The following SATB2 variants were observed in gnomAD, a reference collection of about 807,000 sequenced individuals.
The protein encoded by SATB2 is DNA-binding protein SATB2.
SATB2 carries 1 observed loss-of-function variant against 73.4 expected under a neutral mutation model. The observed-to-expected ratio is 0.01, with a 90% CI of 0.00 to 0.06. The LOEUF (loss-of-function observed/expected upper bound fraction) is 0.06. SATB2 is among the 10% of genes least tolerant of loss of function. SATB2 has a pLI of 1.00. For missense variants in SATB2, 459 were observed against 945.8 expected, an observed-to-expected ratio of 0.49 and a Z score of 6.75; for synonymous variants, 397 against 367.0, an observed-to-expected ratio of 1.08 and a Z score of -0.93.
chr2:199,439,100 G>A (rs1207279066), intron 2 of SATB2, among the ~76,000 whole-genome samples: 3 of 152,236 alleles, frequency 2.0e-5, no homozygotes, highest in African/African-American at 7.2e-5. Flanking sequence ...TGCCTACCAG[G>A]TGTCTGGCAC....
At chr2:199,438,815 A>T (rs1691725824) in intron 2 of SATB2, among the ~76,000 whole-genome samples, 1 of 152,248 alleles carries the variant, frequency 6.6e-6, no homozygotes, top group Non-Finnish European at 1.5e-5. Context: ...TTACTCTGTG[A>T]CAGGGTTAGC....
chr2:199,367,652 A>C (rs1259127214), intron 6 of SATB2, among the ~76,000 whole-genome samples: 3 of 152,162 alleles, frequency 2.0e-5, no homozygotes, highest in Non-Finnish European at 2.9e-5. Flanking sequence ...AGAGTAAGCA[A>C]GGCTATGAAT....
At chr2:199,433,654 T>C (rs1691570056) in intron 2 of SATB2, 140 bp from the exon 3 acceptor site, 3 of 802,890 alleles carry the variant, frequency 3.7e-6, no homozygotes, top group African/African-American at 1.7e-5. Context: ...CTCTTAGTCA[T>C]ATAGGTCTAA....
At chr2:199,291,969 G>A (rs1692878193) in intron 10 of SATB2, among the ~76,000 whole-genome samples, 1 of 151,868 alleles carries the variant, frequency 6.6e-6, no homozygotes, top group African/African-American at 2.4e-5. Flanking sequence ...ACTTGATTAA[G>A]GGTACCCTCA....
intron 2 of SATB2, among the ~76,000 whole-genome samples, chr2:199,449,334 T>C (rs1366745213): frequency 2.0e-5 from 3 of 152,212 alleles, no homozygotes; most frequent in Non-Finnish European, 4.4e-5. Context: ...AGCCTTTCAG[T>C]GCCACTTAAT....
chr2:199,398,918 A>T (rs1277585303), intron 3 of SATB2, among the ~76,000 whole-genome samples: 8 of 152,186 alleles, frequency 5.3e-5, no homozygotes, highest in African/African-American at 1.9e-4. Flanking sequence ...ATCTTCTAAT[A>T]AACTGAATTT....
At chr2:199,450,616 G>T (rs1692096305) in intron 2 of SATB2, among the ~76,000 whole-genome samples, 1 of 151,954 alleles carries the variant, frequency 6.6e-6, no homozygotes, top group South Asian at 2.1e-4. Flanking sequence ...AACCTAAAAA[G>T]CTTTAAAAGA....
At chr2:199,342,091 T>C (rs1688522396) in intron 7 of SATB2, among the ~76,000 whole-genome samples, 1 of 152,096 alleles carries the variant, frequency 6.6e-6, no homozygotes, top group African/African-American at 2.4e-5. Flanking sequence ...AGAAAATCAG[T>C]AGCCCAAACT....
chr2:199,396,092 G>A lies in SATB2; in HGVS notation c.347-14272C>T, dbSNP rs571917888. The A allele has an allele frequency of 4.6e-5, 7 of 152,288 alleles. No homozygotes were observed. In the East Asian group the frequency reaches 1.3e-3, roughly 29 times the overall value. The allele number at this position is 152,288 out of a possible 1,614,324, so 9.4% of individuals were successfully genotyped here. A position where few individuals can be genotyped will look rare whatever the true frequency, so the allele number is the denominator to read the frequency against. ...TCAATATGGGCTAAATTAGGCAACTGACAAAGCTGACTTTACTTTGTATAA... is the reference window on the plus strand; with the variant it reads ...TCAATATGGGCTAAATTAGGCAACTAACAAAGCTGACTTTACTTTGTATAA... On this transcript the variant is annotated intron_variant, in intron 3 of 10. Coordinates refer to ENST00000417098, the MANE Select transcript of SATB2 (RefSeq NM_001172509.2).
chr2:199,323,476 T>TATACACAC (rs10653288), intron 9 of SATB2, among the ~76,000 whole-genome samples: 2,058 of 142,798 alleles, frequency 0.014, 17 homozygotes, highest in Non-Finnish European at 0.024. Flanking sequence ...GTTTTGTTCA[T>TATACACAC]ACACACACAC....
chr2:199,409,417 G>A (rs1033492569), intron 3 of SATB2, among the ~76,000 whole-genome samples: 16 of 152,000 alleles, frequency 1.1e-4, no homozygotes, highest in African/African-American at 1.4e-4. Flanking sequence ...TGATCCTCCC[G>A]CCTTGGCCTC....
chr2:199,380,710 T>C (rs768403064), intron 4 of SATB2, among the ~76,000 whole-genome samples: 1 of 152,112 alleles, frequency 6.6e-6, no homozygotes, highest in Non-Finnish European at 1.5e-5. Flanking sequence ...CCAAGAAAAA[T>C]AGTCATTTGC....
intron 2 of SATB2, among the ~76,000 whole-genome samples, chr2:199,436,289 C>T (rs1050637639): frequency 6.6e-6 from 1 of 152,082 alleles, no homozygotes; most frequent in Non-Finnish European, 1.5e-5. Flanking sequence ...TAGGGACTTA[C>T]GTTTTATAAC....
At chr2:199,408,162 T>G (rs770045042) in intron 3 of SATB2, among the ~76,000 whole-genome samples, 23 of 152,194 alleles carry the variant, frequency 1.5e-4, no homozygotes, top group Non-Finnish European at 2.8e-4. Context: ...GCCCCGCCTA[T>G]TCAACATTTT....
chr2:199,450,431 T>C (rs1319366980), intron 2 of SATB2, among the ~76,000 whole-genome samples: 1 of 152,170 alleles, frequency 6.6e-6, no homozygotes, highest in Admixed American at 6.5e-5. Flanking sequence ...ATTAGTTATA[T>C]AGGTTTTTTA....
At chr2:199,403,214 G>A (rs190772136) in intron 3 of SATB2, among the ~76,000 whole-genome samples, 9 of 152,148 alleles carry the variant, frequency 5.9e-5, no homozygotes, top group East Asian at 1.9e-4. Context: ...GAATGGTTCT[G>A]TAAATTATGT....
intron 3 of SATB2, chr2:199,397,867 AAAACAAAC>A: frequency 3.1e-6 from 1 of 318,698 alleles, no homozygotes; most frequent in South Asian, 2.3e-5. Flanking sequence ...GACTGTCTCA[AAAACAAAC>A]AAACAAACAA....
chr2:199,466,460 C>T (rs1208990990), upstream of SATB2, among the ~76,000 whole-genome samples: 2 of 152,186 alleles, frequency 1.3e-5, no homozygotes, highest in African/African-American at 4.8e-5. Flanking sequence ...GCCCTTGTCC[C>T]CCAAGCTGAC....
At chr2:199,386,179 G>A (rs1018168234) in intron 3 of SATB2, among the ~76,000 whole-genome samples, 17 of 152,118 alleles carry the variant, frequency 1.1e-4, no homozygotes, top group African/African-American at 4.1e-4. Flanking sequence ...TTTTGAGATA[G>A]TTGCATTATA....
Sources: allele counts gnomAD v4.1 joint callset (sites outside exome capture counted in the v4.1 genomes callset), GRCh38; gene constraint gnomAD v4.1.1; transcripts MANE v1.5; gene names NCBI Gene and HGNC (gene_info 2026-07-23, HGNC 2026-07-21).